WDR76: variants seen among roughly 807,000 people sequenced by gnomAD.
WDR76 encodes WD repeat-containing protein 76.
WDR76 carries 52 observed loss-of-function variants against 70.2 expected under a neutral mutation model. The ratio of observed to expected loss-of-function variants is 0.74; its 90% CI spans 0.59 to 0.93. The LOEUF is 0.93. Ranked by LOEUF, WDR76 falls within the 40% of genes least tolerant of loss-of-function variation. The pLI, the probability that WDR76 is intolerant of heterozygous loss-of-function variation, is 0.00. For missense variants in WDR76, 756 were observed against 760.2 expected, an observed-to-expected ratio of 0.99 and a Z score of 0.07; for synonymous variants, 292 against 271.1, an observed-to-expected ratio of 1.08 and a Z score of -0.76.
intron 2 of WDR76, among the ~76,000 whole-genome samples, chr15:43,832,755 T>G (rs915090226): frequency 2.2e-5 from 3 of 133,946 alleles, no homozygotes; most frequent in South Asian, 2.6e-4. Flanking sequence ...TTTTTTTTTT[T>G]TTTTTTTTTT....
At chr15:43,846,379 A>T (rs2087788805) in intron 8 of WDR76, among the ~76,000 whole-genome samples, 1 of 147,134 alleles carries the variant, frequency 6.8e-6, no homozygotes, top group South Asian at 2.1e-4. Flanking sequence ...TCAACTTCCC[A>T]CGGTCAAGCA....
At chr15:43,835,021 TTATA>T (rs1173425103) in intron 2 of WDR76, 36 bp from the exon 3 acceptor site, 2 of 1,551,694 alleles carry the variant, frequency 1.3e-6, no homozygotes, top group Non-Finnish European at 1.8e-6. Context: ...TTCCTGTAGA[TTATA>T]TAAAGTAATG....
chr15:43,861,196 G>C, intron 11 of WDR76, 137 bp from the exon 12 acceptor site: 1 of 770,324 alleles, frequency 1.3e-6, no homozygotes, highest in Non-Finnish European at 2.1e-6. Context: ...TCTAAACCCG[G>C]CCTGATCCTA....
At chr15:43,835,989 G>C (rs1261461190) in intron 3 of WDR76, among the ~76,000 whole-genome samples, 172 bp from the exon 4 acceptor site, 4 of 149,386 alleles carry the variant, frequency 2.7e-5, no homozygotes, top group Non-Finnish European at 5.9e-5. Context: ...GGGTCTCGCT[G>C]CGTTGCCCAG....
At chr15:43,849,555 T>C (rs78253094) in intron 8 of WDR76, among the ~76,000 whole-genome samples, 1 of 152,232 alleles carries the variant, frequency 6.6e-6, no homozygotes, top group Non-Finnish European at 1.5e-5. Flanking sequence ...ATTTTTTTTT[T>C]TGAGACGGAG....
At chr15:43,851,713 C>G (rs1258841675) in intron 9 of WDR76, among the ~76,000 whole-genome samples, 1 of 152,112 alleles carries the variant, frequency 6.6e-6, no homozygotes, top group East Asian at 1.9e-4. Flanking sequence ...GTGGGAGACT[C>G]ACTTCAGGCC....
chr15:43,829,407 C>A (rs1396160936), intron 2 of WDR76, among the ~76,000 whole-genome samples: 1 of 151,514 alleles, frequency 6.6e-6, no homozygotes, highest in East Asian at 1.9e-4. Flanking sequence ...TATGCTTTCT[C>A]GTCCCAGAGT....
chr15:43,846,714 A>G (rs772039606), intron 8 of WDR76, among the ~76,000 whole-genome samples: 1 of 151,996 alleles, frequency 6.6e-6, no homozygotes, highest in East Asian at 1.9e-4. Context: ...CATATCTTTC[A>G]TGATGACTCC....
intron 3 of WDR76, among the ~76,000 whole-genome samples, chr15:43,835,474 GC>G: frequency 7.8e-6 from 1 of 127,736 alleles, no homozygotes; most frequent in Middle Eastern, 3.8e-3. Context: ...GGGCAACAGA[GC>G]CAGACCCTGT....
intron 8 of WDR76, among the ~76,000 whole-genome samples, chr15:43,848,811 A>C (rs540949830): frequency 3.9e-5 from 6 of 151,938 alleles, no homozygotes; most frequent in Non-Finnish European, 8.8e-5. Flanking sequence ...GGTGATGTGC[A>C]CCTGTAATCC....
At chr15:43,862,215 C>A (rs1023191852) in intron 12 of WDR76, among the ~76,000 whole-genome samples, 2 of 146,016 alleles carry the variant, frequency 1.4e-5, no homozygotes, top group African/African-American at 2.6e-5. Context: ...TATGAAGTTG[C>A]GAATAGTGTG....
At position 43,866,712 on chromosome 15, in the gene WDR76, C is replaced by T. The variant is rs567270584; in HGVS notation, c.*320C>T. 5 of 222,824 alleles carry T rather than the reference C, an allele frequency of 2.2e-5. No individual in the cohort carries two copies. Among genetic ancestry groups the T allele is most frequent in the East Asian group, 1.1e-4 (1 of 9,402 alleles). 13.8% of individuals were successfully genotyped at this position (222,824 alleles called of 1,614,324 possible). ...CGCGATCTTGGCTCACCGCAACCTC[C>T]GCCTCCCAGGTTCAAGCGATTCTCC... On this transcript the variant is annotated 3_prime_UTR_variant, in exon 13 of 13. Transcript: ENST00000263795.
chr15:43,828,314 A>G lies in WDR76; in HGVS notation c.410A>G (p.Asp137Gly). The G allele has an allele frequency of 1.2e-6, 2 of 1,614,068 alleles. No individual in the cohort carries two copies. The highest frequency in any genetic ancestry group is 1.7e-6 in the Non-Finnish European group (2 of 1,180,034). Residue 137 changes from aspartate to glycine, a missense_variant, in exon 2 of 13, where the codon GAT becomes GGT. Coordinates refer to ENST00000263795, the MANE Select transcript of WDR76 (RefSeq NM_024908.4). Reference sequence around the variant, plus strand: ...GCAGATGCGATGAATCTCAGTGTTGATGTGGAAAGTAGTCAGGATGGAGAC... The same window carrying G: ...GCAGATGCGATGAATCTCAGTGTTGGTGTGGAAAGTAGTCAGGATGGAGAC... Reference protein sequence around the residue: ...RTADAMNLSVDVESSQDGDSD... With the variant: ...RTADAMNLSVGVESSQDGDSD...
intron 12 of WDR76, among the ~76,000 whole-genome samples, chr15:43,862,084 C>T (rs1252419989): frequency 1.3e-5 from 2 of 151,864 alleles, no homozygotes; most frequent in Non-Finnish European, 2.9e-5. Context: ...GATCCACCCG[C>T]CTCGGCCTCC....
chr15:43,845,128 A>AT, intron 8 of WDR76, among the ~76,000 whole-genome samples: 1 of 146,226 alleles, frequency 6.8e-6, no homozygotes, highest in East Asian at 2.0e-4. Flanking sequence ...TGCCTGGCTA[A>AT]TTTTTTCTAT....
At chr15:43,853,506 A>G (rs115135924) in intron 9 of WDR76, among the ~76,000 whole-genome samples, 2,179 of 152,284 alleles carry the variant, frequency 0.014, 50 homozygotes, top group African/African-American at 0.05. Context: ...TTACATTTCA[A>G]TAAGCTTGAC....
chr15:43,849,130 G>A lies in WDR76; in HGVS notation c.1033-1957G>A, dbSNP rs1490304264. ...GTGGAGGTTGCAGTGAGCTGAGATCGTGCCACTGCACTCAAGCCTGGGTGA... is the reference window on the plus strand; with the variant it reads ...GTGGAGGTTGCAGTGAGCTGAGATCATGCCACTGCACTCAAGCCTGGGTGA... On this transcript the variant is annotated intron_variant, in intron 8 of 12. Transcript: ENST00000263795. 4.0e-5 allele frequency among the ~76,000 whole-genome samples: 6 copies of A among 148,318 alleles called. No individual in the cohort carries two copies. The East Asian group carries it at 7.9e-4, about 19-fold the overall frequency.
intron 12 of WDR76, chr15:43,863,783 T>G (rs2088035814): frequency 6.6e-6 from 1 of 152,236 alleles, no homozygotes; most frequent in Non-Finnish European, 1.5e-5. Flanking sequence ...GGTCTGGAAG[T>G]CCTGGCCTCA....
At position 43,839,695 on chromosome 15, in the gene WDR76, T is replaced by C. The variant is rs1482132718; in HGVS notation, c.699T>C (p.Ala233=). The change falls in exon 5 of 13, where the codon GCT becomes GCC. Residue 233 remains alanine (A), a synonymous_variant. Transcript: ENST00000263795. ...CTTCGGGAGTTTCATTACCAGCAGCTCCAACACCGCCGACATTAGTAGCAG... is the reference window on the plus strand; with the variant it reads ...CTTCGGGAGTTTCATTACCAGCAGCCCCAACACCGCCGACATTAGTAGCAG... ...VDPSGVSLPA[A]PTPPTLVADE... is the part of the protein sequence containing the mutation. 1 of 1,611,178 alleles carries C rather than the reference T, an allele frequency of 6.2e-7. No individual in the cohort carries two copies. Among genetic ancestry groups the C allele is most frequent in the Non-Finnish European group, 8.5e-7 (1 of 1,178,220 alleles).
Sources: allele counts gnomAD v4.1 joint callset (sites outside exome capture counted in the v4.1 genomes callset), GRCh38; gene constraint gnomAD v4.1.1; transcripts MANE v1.5; gene names NCBI Gene and HGNC (gene_info 2026-07-23, HGNC 2026-07-21).